The following KANSL1L variants were observed in gnomAD, a reference collection of about 807,000 sequenced individuals.
KANSL1L encodes the protein KAT8 regulatory NSL complex subunit 1 like, also known as KAT8 regulatory NSL complex subunit 1-like protein.
KANSL1L carries 25 observed loss-of-function variants against 108.6 expected under a neutral mutation model. That is an observed-to-expected ratio of 0.23 (90% CI 0.17 to 0.32). The LOEUF is 0.32. Among genes scored for constraint, KANSL1L ranks in the 10% least tolerant of loss-of-function variants. The probability of loss-of-function intolerance (pLI) is 1.00; values close to 1 mark genes in which losing one functional copy is unlikely to be tolerated. For missense variants in KANSL1L, 1,137 were observed against 1,125.7 expected, an observed-to-expected ratio of 1.01 and a Z score of -0.14; for synonymous variants, 405 against 395.1, an observed-to-expected ratio of 1.03 and a Z score of -0.30.
At chr2:210,160,275 A>G (rs2095354938) in intron 1 of KANSL1L, among the ~76,000 whole-genome samples, 1 of 152,150 alleles carries the variant, frequency 6.6e-6, no homozygotes, top group South Asian at 2.1e-4. Flanking sequence ...AAGACTGGGA[A>G]TGAGGCAAGG....
At chr2:210,027,060 C>T (rs138199440) in intron 12 of KANSL1L, among the ~76,000 whole-genome samples, 1,715 of 152,288 alleles carry the variant, frequency 0.011, 33 homozygotes, top group African/African-American at 0.039. Flanking sequence ...CATTAGCCAC[C>T]GCGCCCGGCC....
intron 2 of KANSL1L, chr2:210,153,275 A>C: frequency 2.6e-6 from 1 of 387,642 alleles, no homozygotes; most frequent in Non-Finnish European, 4.5e-6. Flanking sequence ...AATTGTTTGA[A>C]CCCGGGAGGC....
chr2:210,153,968 T>A lies in KANSL1L; in HGVS notation c.615A>T (p.Ser205=). The A allele has an allele frequency of 1.2e-6, 2 of 1,613,692 alleles. No homozygotes were observed. Among genetic ancestry groups the A allele is most frequent in the Non-Finnish European group, 1.7e-6 (2 of 1,180,014 alleles). The change falls in exon 2 of 15, where the codon TCA becomes TCT. Residue 205 remains serine, a synonymous_variant. Coordinates refer to ENST00000281772, the MANE Select transcript of KANSL1L (RefSeq NM_152519.4). ...CTQKKIVPGH[S]NVPVSSSAAE... ...CAGCTGAAGAACTAACAGGCACATTTGAGTGGCCAGGTACAATTTTCTTTT... is the reference window on the plus strand; with the variant it reads ...CAGCTGAAGAACTAACAGGCACATTAGAGTGGCCAGGTACAATTTTCTTTT...
chr2:210,172,010 A>T (rs1352980531), upstream of KANSL1L, among the ~76,000 whole-genome samples: 7 of 144,044 alleles, frequency 4.9e-5, no homozygotes, highest in African/African-American at 1.5e-4. Context: ...AAAAAAAAAC[A>T]GACAAAGCAG....
chr2:210,132,992 T>G (rs893992709), intron 2 of KANSL1L, among the ~76,000 whole-genome samples: 25 of 152,298 alleles, frequency 1.6e-4, no homozygotes, highest in Admixed American at 7.2e-4. Flanking sequence ...CGTAAGGTTT[T>G]TCAGGTTTTC....
intron 8 of KANSL1L, among the ~76,000 whole-genome samples, chr2:210,036,506 C>CCATT (rs1212138794): frequency 6.6e-6 from 1 of 151,960 alleles, no homozygotes; most frequent in African/African-American, 2.4e-5. Flanking sequence ...TCATCTATGT[C>CCATT]CATTATACTA....
chr2:210,031,635 T>C, intron 8 of KANSL1L, 89 bp from the exon 9 acceptor site: 1 of 782,868 alleles, frequency 1.3e-6, no homozygotes, highest in Non-Finnish European at 1.9e-6. Flanking sequence ...AACTGCAGAA[T>C]TTTAAGATAC....
intron 12 of KANSL1L, among the ~76,000 whole-genome samples, 185 bp from the exon 13 acceptor site, chr2:210,025,401 C>A (rs182467609): frequency 6.6e-6 from 1 of 152,090 alleles, no homozygotes; most frequent in Admixed American, 6.5e-5. Flanking sequence ...CTAAAAAATA[C>A]AAAAATTAGC....
At chr2:210,096,568 C>T (rs2094737838) in intron 5 of KANSL1L, 2 of 984,456 alleles carry the variant, frequency 2.0e-6, no homozygotes, top group Non-Finnish European at 2.4e-6. Context: ...ATTAGGTAAA[C>T]AAAGTATTAT....
At chr2:210,031,823 A>T (rs1455714134) in intron 8 of KANSL1L, among the ~76,000 whole-genome samples, 1 of 152,222 alleles carries the variant, frequency 6.6e-6, no homozygotes, top group East Asian at 1.9e-4. Flanking sequence ...GGATTGGCTC[A>T]GATATATAAA....
chr2:210,100,933 C>G (rs1003067420), intron 4 of KANSL1L, among the ~76,000 whole-genome samples: 3 of 152,152 alleles, frequency 2.0e-5, no homozygotes, highest in Admixed American at 6.6e-5. Context: ...CTACCATGCC[C>G]GGCCACCAAG....
At position 210,150,782 on chromosome 2, in the gene KANSL1L, TA is replaced by T. The variant is rs762951836; in HGVS notation, c.1088+2712del. 0.015 allele frequency among the ~76,000 whole-genome samples: 1,752 copies of T among 116,270 alleles called. 95 individuals carry two copies. The East Asian group carries it at 0.2, about 13-fold the overall frequency. The allele number at this position is 116,270 out of a possible 152,430, so 76.3% of individuals were successfully genotyped here. On this transcript the variant is annotated intron_variant, in intron 2 of 14. Coordinates refer to ENST00000281772, the MANE Select transcript of KANSL1L (RefSeq NM_152519.4). Reference sequence around the variant, plus strand: ...GGGCAACAAGAGCAAAACTCCATCTTAAAAAAAAAAAAAAAGAAAAAAGAAA... The same window carrying T: ...GGGCAACAAGAGCAAAACTCCATCTTAAAAAAAAAAAAAAGAAAAAAGAAA...
intron 2 of KANSL1L, among the ~76,000 whole-genome samples, chr2:210,136,858 C>T (rs1367255703): frequency 6.6e-6 from 1 of 152,164 alleles, no homozygotes; most frequent in African/African-American, 2.4e-5. Context: ...CAAGTACAGG[C>T]ATTCCTGCTC....
At chr2:210,030,724 T>C (rs1354924220) in intron 9 of KANSL1L, 1 of 152,038 alleles carries the variant, frequency 6.6e-6, no homozygotes, top group Non-Finnish European at 1.5e-5. Context: ...TAAGGATCTA[T>C]ATATAAAAAT....
At chr2:210,079,646 A>ATATATATATATGTGTG (rs1559539681) in intron 5 of KANSL1L, among the ~76,000 whole-genome samples, 12 of 13,116 alleles carry the variant, frequency 9.1e-4, no homozygotes, top group East Asian at 6.0e-3. Flanking sequence ...ATATATATAT[A>ATATATATATATGTGTG]TATATATATA....
At chr2:210,053,484 C>G (rs2094315376) in intron 6 of KANSL1L, among the ~76,000 whole-genome samples, 1 of 152,066 alleles carries the variant, frequency 6.6e-6, no homozygotes, top group African/African-American at 2.4e-5. Flanking sequence ...GTAATCTCAG[C>G]TACTTGAGGG....
Position 210,022,686 on chromosome 2 carries a change from A to G in KANSL1L, c.*263T>C, listed in dbSNP as rs1000967335. Reference sequence around the variant, plus strand: ...TACCCAGTAATGTGATTTGACATCAAGTTGCAGCAATTAATATCTTGGTGT... The same window carrying G: ...TACCCAGTAATGTGATTTGACATCAGGTTGCAGCAATTAATATCTTGGTGT... On this transcript the variant is annotated 3_prime_UTR_variant, in exon 15 of 15. Coordinates refer to ENST00000281772, the MANE Select transcript of KANSL1L (RefSeq NM_152519.4). The G allele has an allele frequency of 2.6e-5, 11 of 417,078 alleles. No homozygotes were observed. Among genetic ancestry groups the G allele is most frequent in the African/African-American group, 2.0e-4 (10 of 49,614 alleles). 25.8% of individuals were successfully genotyped at this position (417,078 alleles called of 1,614,324 possible).
chr2:210,113,807 G>T (rs1049344455), intron 3 of KANSL1L, among the ~76,000 whole-genome samples: 5 of 152,118 alleles, frequency 3.3e-5, no homozygotes, highest in African/African-American at 1.2e-4. Flanking sequence ...ATTCACTAGA[G>T]GTATTCAAAG....
At chr2:210,072,360 T>A (rs779454815) in intron 6 of KANSL1L, among the ~76,000 whole-genome samples, 2 of 152,208 alleles carry the variant, frequency 1.3e-5, no homozygotes, top group African/African-American at 2.4e-5. Flanking sequence ...CCCTCACAGG[T>A]GACAGTAGTT....
Sources: allele counts gnomAD v4.1 joint callset (sites outside exome capture counted in the v4.1 genomes callset), GRCh38; gene constraint gnomAD v4.1.1; transcripts MANE v1.5; gene names NCBI Gene and HGNC (gene_info 2026-07-23, HGNC 2026-07-21).